SLC5A4: variants seen among roughly 807,000 people sequenced by gnomAD.
SLC5A4 encodes solute carrier family 5 member 4.
SLC5A4 carries 55 observed loss-of-function variants against 70.3 expected under a neutral mutation model. The observed-to-expected ratio is 0.78, with a 90% CI of 0.63 to 0.98. The LOEUF (loss-of-function observed/expected upper bound fraction) is 0.98. Among genes scored for constraint, SLC5A4 ranks in the 50% least tolerant of loss-of-function variants. SLC5A4 has a pLI of 0.00. For missense variants in SLC5A4, 735 were observed against 839.2 expected, an observed-to-expected ratio of 0.88 and a Z score of 1.53; for synonymous variants, 268 against 305.7, an observed-to-expected ratio of 0.88 and a Z score of 1.29.
chr22:32,235,877 A>T (rs1314022549), intron 7 of SLC5A4, among the ~76,000 whole-genome samples: 2 of 152,256 alleles, frequency 1.3e-5, no homozygotes, highest in Non-Finnish European at 2.9e-5. Context: ...AAACACTGCT[A>T]GGATCATGTG....
At chr22:32,354,591 G>A in the SLC5A4 span, among the ~76,000 whole-genome samples, 1 of 151,692 alleles carries the variant, frequency 6.6e-6, no homozygotes, top group South Asian at 2.1e-4. Context: ...CCCAGATAGT[G>A]CCCCCAGAAC....
chr22:32,352,658 C>G, the SLC5A4 span, among the ~76,000 whole-genome samples: 2 of 152,256 alleles, frequency 1.3e-5, no homozygotes, highest in African/African-American at 2.4e-5. Context: ...AGGGCTGCCC[C>G]CCAACGCTCC....
the SLC5A4 span, among the ~76,000 whole-genome samples, chr22:32,303,490 G>A: frequency 6.6e-6 from 1 of 152,226 alleles, no homozygotes; most frequent in East Asian, 1.9e-4. Flanking sequence ...CATGGCATTT[G>A]TCTCATGTGA....
chr22:32,344,992 G>A, the SLC5A4 span, among the ~76,000 whole-genome samples: 2 of 152,206 alleles, frequency 1.3e-5, no homozygotes, highest in South Asian at 4.2e-4. Context: ...AAACTTTAAG[G>A]CTTACATACT....
chr22:32,239,968 G>A (rs1244618491), intron 5 of SLC5A4, among the ~76,000 whole-genome samples: 1 of 141,104 alleles, frequency 7.1e-6, no homozygotes, highest in South Asian at 2.3e-4. Context: ...AGCTTGCAGT[G>A]AGCAGAGATG....
At chr22:32,292,161 TATAATATATA>T in the SLC5A4 span, among the ~76,000 whole-genome samples, 55 of 50,474 alleles carry the variant, frequency 1.1e-3, no homozygotes, top group East Asian at 3.4e-3. Context: ...ATATTATATA[TATAATATATA>T]CTAGATATTA....
the SLC5A4 span, chr22:32,276,578 G>T: frequency 6.6e-6 from 1 of 151,850 alleles, no homozygotes; most frequent in African/African-American, 2.4e-5. Context: ...TTAAATCAAG[G>T]GTGCATTGTA....
chr22:32,250,303 C>T (rs1404796538), intron 3 of SLC5A4, among the ~76,000 whole-genome samples: 2 of 152,070 alleles, frequency 1.3e-5, no homozygotes, highest in African/African-American at 2.4e-5. Context: ...GGCTTACAGA[C>T]CTCAGGAGTT....
chr22:32,332,205 C>T, the SLC5A4 span, among the ~76,000 whole-genome samples: 28 of 152,188 alleles, frequency 1.8e-4, no homozygotes, highest in Non-Finnish European at 3.2e-4. Flanking sequence ...TCACTCTCCT[C>T]GAGGGCACCC....
At chr22:32,304,612 T>C in the SLC5A4 span, among the ~76,000 whole-genome samples, 1 of 152,240 alleles carries the variant, frequency 6.6e-6, no homozygotes, top group Admixed American at 6.5e-5. Flanking sequence ...AAGAATTCTT[T>C]GTATATTTTG....
chr22:32,229,521 G>A lies in SLC5A4; in HGVS notation c.1130-177C>T, dbSNP rs555842800. ...TTCCTGGTCACCTGAGAATAATCCAGTATAAATAAGTCAGGCACAGAAAGA... is the reference window on the plus strand; with the variant it reads ...TTCCTGGTCACCTGAGAATAATCCAATATAAATAAGTCAGGCACAGAAAGA... On this transcript the variant is annotated intron_variant, in intron 10 of 14. Transcript: ENST00000266086. 2.0e-5 allele frequency among the ~76,000 whole-genome samples: 3 copies of A among 152,296 alleles called. No homozygotes were observed. In the South Asian group the frequency reaches 6.2e-4, roughly 32 times the overall value.
the SLC5A4 span, among the ~76,000 whole-genome samples, chr22:32,279,005 G>A: frequency 3.3e-5 from 5 of 152,222 alleles, no homozygotes; most frequent in Non-Finnish European, 5.9e-5. Flanking sequence ...GGCCGGGCGC[G>A]GTGGCTCACG....
chr22:32,242,436 G>C (rs1203740620), intron 5 of SLC5A4, among the ~76,000 whole-genome samples: 2 of 152,094 alleles, frequency 1.3e-5, no homozygotes, highest in Admixed American at 1.3e-4. Context: ...CTGGCTGGGC[G>C]TGGTGGCTCA....
At chr22:32,323,591 T>C in the SLC5A4 span, among the ~76,000 whole-genome samples, 2 of 152,136 alleles carry the variant, frequency 1.3e-5, no homozygotes, top group Admixed American at 6.5e-5. Flanking sequence ...ACGGTGCCAT[T>C]AGGCTGGAAA....
the SLC5A4 span, among the ~76,000 whole-genome samples, chr22:32,275,086 G>A: frequency 0.12 from 18,374 of 151,890 alleles, 1,505 homozygotes; most frequent in Non-Finnish European, 0.19. Flanking sequence ...TAACTCTATT[G>A]TACACCAGTA....
At chr22:32,304,173 G>A in the SLC5A4 span, among the ~76,000 whole-genome samples, 1 of 152,138 alleles carries the variant, frequency 6.6e-6, no homozygotes, top group African/African-American at 2.4e-5. Flanking sequence ...GTCATCCGGG[G>A]TGGAGTGCAA....
the SLC5A4 span, among the ~76,000 whole-genome samples, chr22:32,307,402 G>A: frequency 2.6e-5 from 4 of 152,164 alleles, no homozygotes; most frequent in Admixed American, 1.3e-4. Flanking sequence ...AATTCATTTT[G>A]TGAATCTGAG....
chr22:32,303,798 A>T, the SLC5A4 span, among the ~76,000 whole-genome samples: 3 of 152,118 alleles, frequency 2.0e-5, no homozygotes, highest in Admixed American at 6.5e-5. Flanking sequence ...TAAGTTGTCA[A>T]CTCCTTTGGG....
chr22:32,307,598 G>A, the SLC5A4 span, among the ~76,000 whole-genome samples: 5 of 152,162 alleles, frequency 3.3e-5, no homozygotes, highest in East Asian at 1.9e-4. Flanking sequence ...CTTCTAGCTC[G>A]CCTGACTGCT....
Sources: gnomAD v4.1 joint callset for allele counts (sites outside exome capture counted in the v4.1 genomes callset) on GRCh38, gnomAD v4.1.1 for gene constraint, MANE v1.5 for transcripts, NCBI Gene and HGNC (gene_info 2026-07-23, HGNC 2026-07-21) for gene names.